Variants in BBX observed in about 807,000 individuals in gnomAD.
BBX encodes HMG box transcription factor BBX.
Under a neutral mutation model 100.2 loss-of-function variants are expected in BBX, and 30 were observed. That is an observed-to-expected ratio of 0.30 (90% CI 0.22 to 0.41). The LOEUF is 0.41. Ranked by LOEUF, BBX falls within the 10% of genes least tolerant of loss-of-function variation. The probability of loss-of-function intolerance (pLI) is 1.00; values close to 1 mark genes in which losing one functional copy is unlikely to be tolerated. For missense variants in BBX, 1,023 were observed against 1,129.8 expected (o/e 0.91, Z 1.35); for synonymous variants, 376 against 388.1 (o/e 0.97, Z 0.37).
rs940473881 is a variant in BBX, at chr3:107,807,348, A to G, written c.*1891A>G. ...ACCCCATTCATGTAGGAATAAATCA[A>G]GTGAGCAGTTCCAGACTTTTGCATA... On this transcript the variant is annotated 3_prime_UTR_variant, in exon 18 of 18. Transcript: ENST00000325805. The G allele has an allele frequency of 2.6e-5, 4 of 152,184 alleles. No individual in the cohort carries two copies. Among genetic ancestry groups the G allele is most frequent in the Non-Finnish European group, 5.9e-5 (4 of 68,030 alleles). The allele number at this position is 152,184 out of a possible 1,614,324, so 9.4% of individuals were successfully genotyped here. A position where few individuals can be genotyped will look rare whatever the true frequency, so the allele number is the denominator to read the frequency against.
rs1304709534 is a variant in BBX at position 107,809,896 on chromosome 3, T to G, written c.*4439T>G. The G allele has an allele frequency of 6.6e-6, 1 of 152,214 alleles. No individual in the cohort carries two copies. Among genetic ancestry groups the G allele is most frequent in the Non-Finnish European group, 1.5e-5 (1 of 68,034 alleles). 9.4% of individuals were successfully genotyped at this position (152,214 alleles called of 1,614,324 possible). On this transcript the variant is annotated 3_prime_UTR_variant, in exon 18 of 18. Transcript: ENST00000325805. ...TTTGAGTTTTTGGATTTTTAAAAAT[T>G]ATCTTATTTAGATTGACTAACAGCA...
intron 2 of BBX, among the ~76,000 whole-genome samples, chr3:107,581,364 C>G (rs976069237): frequency 1.3e-5 from 2 of 151,822 alleles, no homozygotes; most frequent in Non-Finnish European, 2.9e-5. Context: ...CTTTGAATCT[C>G]TTTTGGTTAT....
intron 2 of BBX, among the ~76,000 whole-genome samples, chr3:107,634,356 C>T (rs1489916429): frequency 1.3e-5 from 2 of 152,184 alleles, no homozygotes; most frequent in African/African-American, 4.8e-5. Context: ...GTACCATTCT[C>T]AGCTCTATGT....
intron 2 of BBX, among the ~76,000 whole-genome samples, chr3:107,634,803 AT>A (rs913928939): frequency 1.7e-4 from 26 of 152,280 alleles, no homozygotes; most frequent in Non-Finnish European, 2.2e-4. Context: ...TTAGGTCTGA[AT>A]TTACATTTAA....
chr3:107,676,938 T>C (rs2059310845), intron 3 of BBX, among the ~76,000 whole-genome samples: 1 of 152,162 alleles, frequency 6.6e-6, no homozygotes, highest in African/African-American at 2.4e-5. Flanking sequence ...TTTAGCATTA[T>C]CCTGAAGCAT....
At chr3:107,645,800 C>G (rs1189971802) in intron 2 of BBX, 36 bp from the exon 3 acceptor site, 1 of 152,570 alleles carries the variant, frequency 6.6e-6, no homozygotes, top group African/African-American at 2.4e-5. Flanking sequence ...CTTCCTGGCT[C>G]ACCATTTTAA....
chr3:107,694,980 T>C (rs1337560356), intron 3 of BBX, among the ~76,000 whole-genome samples: 16 of 151,378 alleles, frequency 1.1e-4, no homozygotes, highest in African/African-American at 3.7e-4. Flanking sequence ...AGTTTATTTG[T>C]GTAGAGGTGT....
chr3:107,578,890 A>C (rs1037961958), intron 2 of BBX, among the ~76,000 whole-genome samples: 2 of 152,290 alleles, frequency 1.3e-5, no homozygotes, highest in African/African-American at 4.8e-5. Context: ...GAGTAGAAGA[A>C]GGCAGTTGCA....
intron 2 of BBX, among the ~76,000 whole-genome samples, chr3:107,540,378 G>A (rs527491288): frequency 4.6e-5 from 7 of 152,242 alleles, no homozygotes; most frequent in African/African-American, 7.2e-5. Context: ...TTTGTTTCCC[G>A]AGTCCTAGGA....
intron 5 of BBX, among the ~76,000 whole-genome samples, chr3:107,720,221 C>G (rs1467270734): frequency 6.6e-6 from 1 of 152,096 alleles, no homozygotes; most frequent in Middle Eastern, 3.4e-3. Context: ...GTTATTCTTT[C>G]CCATTTGACT....
chr3:107,701,826 A>AAT (rs1553775666), intron 3 of BBX, among the ~76,000 whole-genome samples: 1 of 150,512 alleles, frequency 6.6e-6, no homozygotes, highest in Non-Finnish European at 1.5e-5. Context: ...AAAAAAAAAA[A>AAT]GGGGATAATA....
At chr3:107,571,665 C>T (rs1241698238) in intron 2 of BBX, among the ~76,000 whole-genome samples, 1 of 152,240 alleles carries the variant, frequency 6.6e-6, no homozygotes, top group Non-Finnish European at 1.5e-5. Flanking sequence ...GGACAGGGGA[C>T]TGGTCTCCCG....
intron 2 of BBX, among the ~76,000 whole-genome samples, chr3:107,535,140 A>G (rs1350780949): frequency 3.9e-5 from 6 of 152,218 alleles, no homozygotes; most frequent in Non-Finnish European, 8.8e-5. Flanking sequence ...CTGCAGTGCC[A>G]CAATCTCCTG....
At chr3:107,742,466 C>G (rs1022706159) in intron 7 of BBX, among the ~76,000 whole-genome samples, 1 of 152,112 alleles carries the variant, frequency 6.6e-6, no homozygotes, top group African/African-American at 2.4e-5. Context: ...TTCCACTATA[C>G]TATACTGAAG....
intron 9 of BBX, among the ~76,000 whole-genome samples, chr3:107,751,864 C>T (rs2065103716): frequency 6.6e-6 from 1 of 152,166 alleles, no homozygotes; most frequent in Non-Finnish European, 1.5e-5. Flanking sequence ...TTTCCAGGCT[C>T]CGATCCATTA....
intron 16 of BBX, among the ~76,000 whole-genome samples, chr3:107,799,369 G>A (rs776825091): frequency 1.5e-4 from 23 of 152,076 alleles, no homozygotes; most frequent in Non-Finnish European, 2.9e-4. Flanking sequence ...TGAAAAATGA[G>A]TCTATTCTGC....
intron 3 of BBX, among the ~76,000 whole-genome samples, chr3:107,653,510 A>C (rs958956696): frequency 2.0e-5 from 3 of 152,182 alleles, no homozygotes; most frequent in Non-Finnish European, 4.4e-5. Flanking sequence ...GGATATTGCT[A>C]TATTCAAATT....
chr3:107,602,812 C>G (rs2107625503), intron 2 of BBX, among the ~76,000 whole-genome samples: 1 of 152,280 alleles, frequency 6.6e-6, no homozygotes, highest in East Asian at 1.9e-4. Context: ...AGCAAAGAAA[C>G]TGGTTTTTCA....
At chr3:107,585,635 CTTTG>C (rs1451612462) in intron 2 of BBX, among the ~76,000 whole-genome samples, 3 of 151,974 alleles carry the variant, frequency 2.0e-5, no homozygotes, top group Non-Finnish European at 4.4e-5. Context: ...ATCTGTGGTT[CTTTG>C]TTTATCTTTT....
Sources: gnomAD v4.1 joint callset for allele counts (sites outside exome capture counted in the v4.1 genomes callset) on GRCh38, gnomAD v4.1.1 for gene constraint, MANE v1.5 for transcripts, NCBI Gene and HGNC (gene_info 2026-07-23, HGNC 2026-07-21) for gene names.